RMDN2: variants seen among roughly 807,000 people sequenced by gnomAD.
RMDN2 encodes the protein regulator of microtubule dynamics protein 2.
A neutral mutation model predicts 52.8 loss-of-function variants in RMDN2; 61 were observed. That is an observed-to-expected ratio of 1.16 (90% CI 0.94 to 1.43). The LOEUF is 1.43. Ranked by LOEUF, RMDN2 falls within the 40% of genes most tolerant of loss-of-function variation. The pLI, the probability that RMDN2 is intolerant of heterozygous loss-of-function variation, is 0.00. For synonymous variants in RMDN2, 180 were observed against 153.1 expected, an observed-to-expected ratio of 1.18 and a Z score of -1.30; for missense variants, 592 against 475.3, an observed-to-expected ratio of 1.25 and a Z score of -2.28.
intron 10 of RMDN2, among the ~76,000 whole-genome samples, chr2:38,065,584 C>G (rs1682239688): frequency 6.6e-6 from 1 of 152,158 alleles, no homozygotes; most frequent in Admixed American, 6.5e-5. Context: ...AAGCTTGTTT[C>G]GTGCCTTGGT....
chr2:37,960,313 A>C (rs187786280), intron 2 of RMDN2, among the ~76,000 whole-genome samples: 74 of 148,768 alleles, frequency 5.0e-4, no homozygotes, highest in African/African-American at 1.8e-3. Flanking sequence ...TTGCTTTATG[A>C]ATCTGGGTGC....
intron 2 of RMDN2, among the ~76,000 whole-genome samples, chr2:37,964,120 G>A (rs184730981): frequency 0.011 from 1,740 of 151,378 alleles, 42 homozygotes; most frequent in African/African-American, 0.04. Context: ...CAGATGGAGG[G>A]GCTCCTCACT....
chr2:37,946,118 G>T (rs755708227), intron 2 of RMDN2, among the ~76,000 whole-genome samples: 1 of 152,092 alleles, frequency 6.6e-6, no homozygotes, highest in South Asian at 2.1e-4. Flanking sequence ...AAATCAAATC[G>T]TATCTTACCA....
At chr2:37,984,797 A>G (rs1047637168) in intron 5 of RMDN2, among the ~76,000 whole-genome samples, 1 of 152,124 alleles carries the variant, frequency 6.6e-6, no homozygotes, top group African/African-American at 2.4e-5. Context: ...GTAATATACC[A>G]TGTTGTGAAT....
At chr2:37,978,832 G>A (rs984771393) in intron 4 of RMDN2, among the ~76,000 whole-genome samples, 23 of 139,280 alleles carry the variant, frequency 1.7e-4, no homozygotes, top group African/African-American at 6.1e-4. Flanking sequence ...GGCTGTTTGC[G>A]AGCATATGTA....
intron 10 of RMDN2, chr2:38,066,889 A>T: frequency 8.4e-7 from 1 of 1,184,950 alleles, no homozygotes; most frequent in Non-Finnish European, 1.3e-6. Context: ...CTCCATAGCC[A>T]TACCTTCTGG....
chr2:38,014,931 TA>T (rs1239801798), intron 10 of RMDN2, among the ~76,000 whole-genome samples: 1 of 152,110 alleles, frequency 6.6e-6, no homozygotes, highest in Non-Finnish European at 1.5e-5. Flanking sequence ...TATGAGAAAA[TA>T]AAACTGGTAC....
At chr2:38,060,749 A>G (rs972345633) in intron 10 of RMDN2, among the ~76,000 whole-genome samples, 2 of 152,132 alleles carry the variant, frequency 1.3e-5, no homozygotes, top group Non-Finnish European at 2.9e-5. Context: ...GTGGGGTCCA[A>G]TGGCCTAGAT....
At chr2:37,962,396 A>G (rs1157012976) in intron 2 of RMDN2, among the ~76,000 whole-genome samples, 1 of 152,126 alleles carries the variant, frequency 6.6e-6, no homozygotes, top group Non-Finnish European at 1.5e-5. Flanking sequence ...CTGCCCAGAG[A>G]GGAGGAATCT....
At chr2:38,007,656 G>T (rs150498059) in intron 10 of RMDN2, among the ~76,000 whole-genome samples, 2,348 of 152,220 alleles carry the variant, frequency 0.015, 54 homozygotes, top group African/African-American at 0.054. Context: ...CAAAAAATCA[G>T]CTCCTGGATT....
At chr2:38,010,535 G>A (rs985201349) in intron 10 of RMDN2, among the ~76,000 whole-genome samples, 1 of 152,220 alleles carries the variant, frequency 6.6e-6, no homozygotes, top group African/African-American at 2.4e-5. Context: ...ATCTCCTGGT[G>A]TGCCACTTGC....
chr2:38,006,874 G>C (rs531831748), intron 10 of RMDN2, among the ~76,000 whole-genome samples: 1 of 152,072 alleles, frequency 6.6e-6, no homozygotes, highest in East Asian at 1.9e-4. Context: ...TTTGAGATAC[G>C]TCCCATCAAT....
chr2:37,977,644 G>A (rs574285435), intron 4 of RMDN2, among the ~76,000 whole-genome samples: 1 of 152,050 alleles, frequency 6.6e-6, no homozygotes, highest in Non-Finnish European at 1.5e-5. Flanking sequence ...TCCCAGACGG[G>A]GTGCCAGTGG....
At chr2:38,029,498 A>C (rs336044) in intron 10 of RMDN2, 1 of 151,636 alleles carries the variant, frequency 6.6e-6, no homozygotes. Context: ...CAAGGACCTC[A>C]TATTATTTAC....
intron 6 of RMDN2, among the ~76,000 whole-genome samples, chr2:37,990,508 G>A (rs1674637852): frequency 1.1e-5 from 1 of 93,930 alleles, no homozygotes; most frequent in African/African-American, 4.5e-5. Flanking sequence ...AATAGAATGA[G>A]ACTCCATCTC....
At chr2:38,034,411 A>T (rs1164533104) in intron 10 of RMDN2, among the ~76,000 whole-genome samples, 1 of 152,200 alleles carries the variant, frequency 6.6e-6, no homozygotes, top group African/African-American at 2.4e-5. Flanking sequence ...ATAGAAGAAG[A>T]CATTCAGAGG....
At chr2:38,009,876 C>T (rs947482517) in intron 10 of RMDN2, among the ~76,000 whole-genome samples, 3 of 152,216 alleles carry the variant, frequency 2.0e-5, no homozygotes, top group Admixed American at 6.5e-5. Flanking sequence ...TGGTGACGTA[C>T]AGATGGGGTT....
At chr2:37,952,172 A>G in intron 2 of RMDN2, 1 of 1,612,922 alleles carries the variant, frequency 6.2e-7, no homozygotes, top group Non-Finnish European at 8.5e-7. Context: ...ATGAAGACAG[A>G]TCTTCACCTA....
intron 7 of RMDN2, among the ~76,000 whole-genome samples, chr2:37,996,727 G>A (rs1423481035): frequency 6.6e-6 from 1 of 151,974 alleles, no homozygotes; most frequent in Non-Finnish European, 1.5e-5. Context: ...GTTCATTTTT[G>A]AGCCAGTTTA....
Sources: allele counts gnomAD v4.1 joint callset (sites outside exome capture counted in the v4.1 genomes callset), GRCh38; gene constraint gnomAD v4.1.1; transcripts MANE v1.5; gene names NCBI Gene and HGNC (gene_info 2026-07-23, HGNC 2026-07-21).